MTMR14: variants seen among roughly 807,000 people sequenced by gnomAD.
The protein encoded by MTMR14 is myotubularin related protein 14, also known as phosphatidylinositol-3,5-bisphosphate 3-phosphatase MTMR14.
Under a neutral mutation model 86.3 loss-of-function variants are expected in MTMR14, and 48 were observed. The ratio of observed to expected loss-of-function variants is 0.56; its 90% confidence interval spans 0.44 to 0.71. MTMR14 has a LOEUF of 0.71. MTMR14 is among the 30% of genes least tolerant of loss of function. The pLI, the probability that MTMR14 is intolerant of heterozygous loss-of-function variation, is 0.00. For synonymous variants in MTMR14, 366 were observed against 326.1 expected, an observed-to-expected ratio of 1.12 and a Z score of -1.32; for missense variants, 780 against 834.6, an observed-to-expected ratio of 0.93 and a Z score of 0.81.
intron 3 of MTMR14, among the ~76,000 whole-genome samples, chr3:9,665,838 C>T (rs1008061904): frequency 1.3e-5 from 2 of 150,784 alleles, no homozygotes; most frequent in Non-Finnish European, 2.9e-5. Flanking sequence ...ATGCCATTCT[C>T]CTGCGTCAGC....
At chr3:9,654,538 T>A (rs1476641174) in intron 2 of MTMR14, among the ~76,000 whole-genome samples, 2 of 152,220 alleles carry the variant, frequency 1.3e-5, no homozygotes, top group Non-Finnish European at 2.9e-5. Flanking sequence ...TGATAAGTAA[T>A]CACAGCATGA....
At chr3:9,676,031 C>G (rs1418862700) in intron 7 of MTMR14, among the ~76,000 whole-genome samples, 1 of 152,154 alleles carries the variant, frequency 6.6e-6, no homozygotes, top group African/African-American at 2.4e-5. Context: ...AAAACATGGG[C>G]TGGGTCTCCA....
rs549537339 is a variant in MTMR14 at position 9,688,717 on chromosome 3, G to C, written c.1257G>C (p.Arg419=). The C allele has an allele frequency of 1.9e-6, 3 of 1,614,192 alleles. No individual in the cohort carries two copies. The highest frequency in any genetic ancestry group is 2.5e-6 in the Non-Finnish European group (3 of 1,180,040). The change falls in exon 15 of 19, where the codon CGG becomes CGC. Residue 419 remains arginine (R), a synonymous_variant. Transcript: ENST00000296003. ...KTQRRKSLPA[R]DGGFTLEDIC... The stretch of plus-strand genomic sequence containing the variant: ...CTAGGAGGAAGAGTTTGCCAGCCCG[G>C]GATGGAGGCTTCACCCTGGAAGACA...
At chr3:9,668,446 G>A (rs951822344) in intron 3 of MTMR14, among the ~76,000 whole-genome samples, 4 of 152,194 alleles carry the variant, frequency 2.6e-5, no homozygotes, top group African/African-American at 9.7e-5. Flanking sequence ...TGTCCAGCAC[G>A]TGGTACACAT....
chr3:9,665,334 A>G (rs1470658443), intron 3 of MTMR14, among the ~76,000 whole-genome samples: 2 of 151,830 alleles, frequency 1.3e-5, no homozygotes, highest in Non-Finnish European at 2.9e-5. Flanking sequence ...ACATGTACCC[A>G]CAAAAGTTTT....
intron 16 of MTMR14, among the ~76,000 whole-genome samples, chr3:9,689,591 G>T (rs1194303623): frequency 6.6e-6 from 1 of 152,162 alleles, no homozygotes; most frequent in Non-Finnish European, 1.5e-5. Flanking sequence ...CACTTTGGGA[G>T]GCCAAGGCAG....
chr3:9,661,782 A>G (rs2047947639), intron 2 of MTMR14, among the ~76,000 whole-genome samples: 1 of 152,016 alleles, frequency 6.6e-6, no homozygotes, highest in Admixed American at 6.6e-5. Context: ...AATACCTATA[A>G]TTAGCACTTT....
chr3:9,687,511 C>T (rs567167445), intron 13 of MTMR14, among the ~76,000 whole-genome samples: 14 of 151,830 alleles, frequency 9.2e-5, no homozygotes, highest in African/African-American at 2.9e-4. Context: ...GCCGAGATCA[C>T]GCCATTGCAC....
intron 17 of MTMR14, among the ~76,000 whole-genome samples, chr3:9,690,728 C>A (rs1459113377): frequency 3.9e-5 from 6 of 152,224 alleles, no homozygotes; most frequent in African/African-American, 1.4e-4. Context: ...GAGGGCTGGT[C>A]TGGCACTTGG....
In MTMR14 at chr3:9,668,707, T is replaced by C. The variant is rs1195453298; in HGVS notation, c.418-12T>C. ...AAACCATCTGACCGTGAAAATGATG[T>C]TTCTCTCCCAGCACATTTGCAGGTC... On this transcript the variant is annotated splice_polypyrimidine_tract_variant and intron_variant, in intron 3 of 18. Transcript: ENST00000296003. The C allele has an allele frequency of 1.9e-6, 3 of 1,613,970 alleles. No individual in the cohort carries two copies. The highest frequency in any genetic ancestry group is 2.7e-5 in the African/African-American group (2 of 74,926).
At position 9,662,247 on chromosome 3, in the gene MTMR14, T is replaced by C; in HGVS notation, c.309-20T>C. On this transcript the variant is annotated intron_variant, in intron 2 of 18. Transcript: ENST00000296003. ...CCACTTCAAAGTCAGCTTGACCTGC[T>C]TCTCTTGCCTGTGTGTTAGGTTTGA... 3 of 1,608,586 alleles carry C rather than the reference T, an allele frequency of 1.9e-6. No homozygotes were observed. The highest frequency in any genetic ancestry group is 2.6e-6 in the Non-Finnish European group (3 of 1,176,052).
chr3:9,649,635 T>C lies in MTMR14; in HGVS notation c.52T>C (p.Ser18Pro). ...CGCTGCCTCGGCGGGGTCCTCGGCC[T>C]CTTCAGGCAACCAGCCGCCTCAGGA... Reference protein sequence around the residue: ...AAAASAGSSASSGNQPPQELG... With the variant: ...AAAASAGSSAPSGNQPPQELG... Residue 18 changes from serine (S) to proline (P), a missense_variant, in exon 1 of 19, where the codon TCT becomes CCT. By Grantham distance (74) the Ser-to-Pro change is moderately conservative. Coordinates refer to ENST00000296003, the MANE Select transcript of MTMR14 (RefSeq NM_001077525.3). 1 of 1,567,952 alleles carries C rather than the reference T, an allele frequency of 6.4e-7. No individual in the cohort carries two copies. The highest frequency in any genetic ancestry group is 8.6e-7 in the Non-Finnish European group (1 of 1,157,672).
rs1158701160 is a variant in MTMR14 at position 9,697,849 on chromosome 3, G to A, written c.1752G>A (p.Glu584=). 6.2e-7 allele frequency: 1 copy of A among 1,614,188 alleles called. No homozygotes were observed. The highest frequency in any genetic ancestry group is 1.7e-5 in the Admixed American group (1 of 60,028). ...CTCTCCCTTTCAGCTTCCCGGATGA[G>A]CTCCCTAACAGTTGTCTGTAAGTGT... The part of the protein sequence containing the change: ...DSSLPFSFPD[E]LPNSCLLAAL... Residue 584 remains glutamate, a synonymous_variant, in exon 18 of 19, where the codon GAG becomes GAA. Transcript: ENST00000296003.
At chr3:9,693,618 TA>T (rs1273767493) in intron 17 of MTMR14, among the ~76,000 whole-genome samples, 1 of 152,190 alleles carries the variant, frequency 6.6e-6, no homozygotes. Context: ...AAGTGGATCA[TA>T]ATAAAGGTCT....
intron 9 of MTMR14, among the ~76,000 whole-genome samples, chr3:9,681,091 C>T (rs143156792): frequency 1.4e-4 from 21 of 152,326 alleles, no homozygotes; most frequent in African/African-American, 4.8e-4. Context: ...TCCCGTGACT[C>T]CATGATTGTT....
At chr3:9,675,665 T>C (rs2075546223) in intron 7 of MTMR14, 1 of 457,316 alleles carries the variant, frequency 2.2e-6, no homozygotes, top group African/African-American at 2.0e-5. Context: ...TTCCGAAGCC[T>C]ATTCAGGTAA....
intron 3 of MTMR14, among the ~76,000 whole-genome samples, chr3:9,665,730 ATTTT>A (rs759820447): frequency 1.4e-5 from 2 of 139,516 alleles, no homozygotes; most frequent in African/African-American, 2.6e-5. Flanking sequence ...TTTCATTTTA[ATTTT>A]TTTTTTTTTT....
chr3:9,683,278 T>G (rs760751752), intron 10 of MTMR14, 34 bp downstream of exon 10: 1 of 1,600,822 alleles, frequency 6.2e-7, no homozygotes, highest in South Asian at 1.1e-5. Flanking sequence ...CTCGAGCCAC[T>G]GCACCCTTGG....
At chr3:9,681,009 C>CATATGGTT (rs1203901072) in intron 9 of MTMR14, among the ~76,000 whole-genome samples, 1 of 152,212 alleles carries the variant, frequency 6.6e-6, no homozygotes, top group Non-Finnish European at 1.5e-5. Context: ...GCTCTCCAGT[C>CATATGGTT]ATATGGTTAC....
Sources: gnomAD v4.1 joint callset for allele counts (sites outside exome capture counted in the v4.1 genomes callset) on GRCh38, gnomAD v4.1.1 for gene constraint, MANE v1.5 for transcripts, NCBI Gene and HGNC (gene_info 2026-07-23, HGNC 2026-07-21) for gene names.